Variants in PRELID2 observed in about 807,000 individuals in gnomAD.
PRELID2 encodes the protein PRELI domain-containing protein 2.
PRELID2 carries 25 observed loss-of-function variants against 28.4 expected under a neutral mutation model. The observed-to-expected ratio is 0.88, with a 90% confidence interval of 0.64 to 1.23. The LOEUF is 1.23. Among genes scored for constraint, PRELID2 ranks in the 50% most tolerant of loss-of-function variants. The pLI is 0.00. For missense variants in PRELID2, 201 were observed against 214.4 expected, an observed-to-expected ratio of 0.94 and a Z score of 0.39; for synonymous variants, 76 against 71.6, an observed-to-expected ratio of 1.06 and a Z score of -0.31.
chr5:145,663,839 G>C (rs1754539289), intron 1 of PRELID2, among the ~76,000 whole-genome samples: 1 of 152,076 alleles, frequency 6.6e-6, no homozygotes, highest in African/African-American at 2.4e-5. Flanking sequence ...AGGACTAATT[G>C]AAGAGATTCC....
At chr5:145,821,919 T>C (rs529948772) in intron 2 of PRELID2, among the ~76,000 whole-genome samples, 16 of 152,360 alleles carry the variant, frequency 1.1e-4, no homozygotes, top group Admixed American at 2.6e-4. Flanking sequence ...ACCAAGGTAG[T>C]AATGAAATCA....
At chr5:145,411,456 T>A in the PRELID2 span, among the ~76,000 whole-genome samples, 6 of 152,330 alleles carry the variant, frequency 3.9e-5, no homozygotes, top group Non-Finnish European at 8.8e-5. Context: ...CATAATAATT[T>A]TCTTTGACTC....
At chr5:145,491,357 G>A (rs1295146287) in intron 1 of PRELID2, among the ~76,000 whole-genome samples, 1 of 152,068 alleles carries the variant, frequency 6.6e-6, no homozygotes, top group Non-Finnish European at 1.5e-5. Context: ...GTCCCAGTCA[G>A]GAGGGCTCTG....
At chr5:145,585,973 G>C (rs533185576) in intron 1 of PRELID2, among the ~76,000 whole-genome samples, 1 of 152,162 alleles carries the variant, frequency 6.6e-6, no homozygotes, top group South Asian at 2.1e-4. Context: ...CCGTGCTCTT[G>C]AAACCTAGAG....
intron 1 of PRELID2, among the ~76,000 whole-genome samples, chr5:145,719,770 T>C (rs575725846): frequency 7.2e-5 from 11 of 151,936 alleles, no homozygotes; most frequent in African/African-American, 2.4e-4. Flanking sequence ...TTCCTCCCCC[T>C]CCAACCTCCA....
intron 1 of PRELID2, among the ~76,000 whole-genome samples, chr5:145,542,753 C>CTTTCTTTG (rs1554075715): frequency 1.5e-5 from 2 of 135,602 alleles, no homozygotes; most frequent in African/African-American, 5.7e-5. Context: ...ATTGTAATTT[C>CTTTCTTTG]TTTCTTTCTT....
intron 4 of PRELID2, among the ~76,000 whole-genome samples, chr5:145,811,850 G>C (rs1753967009): frequency 6.6e-6 from 1 of 152,162 alleles, no homozygotes; most frequent in African/African-American, 2.4e-5. Context: ...GCAGTAGTGA[G>C]TTTCCATTAC....
the PRELID2 span, among the ~76,000 whole-genome samples, chr5:145,323,375 C>A: frequency 5.8e-4 from 89 of 152,138 alleles, no homozygotes; most frequent in Non-Finnish European, 1.1e-3. Context: ...CAATGAGAAG[C>A]CATTAAAGAG....
chr5:145,359,555 C>T, the PRELID2 span, among the ~76,000 whole-genome samples: 4 of 152,274 alleles, frequency 2.6e-5, no homozygotes, highest in East Asian at 1.9e-4. Flanking sequence ...GATGCAGAAT[C>T]GATTTTTCCA....
At chr5:145,406,527 T>C in the PRELID2 span, among the ~76,000 whole-genome samples, 1 of 152,196 alleles carries the variant, frequency 6.6e-6, no homozygotes. Context: ...TGTACAACAA[T>C]GTTGGAAAAT....
intron 5 of PRELID2, among the ~76,000 whole-genome samples, chr5:145,786,432 AT>A (rs1331750040): frequency 2.0e-5 from 3 of 152,202 alleles, no homozygotes; most frequent in Non-Finnish European, 2.9e-5. Flanking sequence ...TCACTGCCAC[AT>A]TCTGAGATCA....
intron 1 of PRELID2, among the ~76,000 whole-genome samples, chr5:145,513,031 A>G (rs999777168): frequency 6.6e-6 from 1 of 152,192 alleles, no homozygotes; most frequent in African/African-American, 2.4e-5. Flanking sequence ...AAATGAGGAA[A>G]AAACAGCTCA....
At chr5:145,461,388 T>G in the PRELID2 span, among the ~76,000 whole-genome samples, 1 of 152,070 alleles carries the variant, frequency 6.6e-6, no homozygotes, top group Non-Finnish European at 1.5e-5. Context: ...CTGCAAGCTC[T>G]GCCTCCCGGG....
chr5:145,280,525 T>A, the PRELID2 span, among the ~76,000 whole-genome samples: 275 of 152,212 alleles, frequency 1.8e-3, 1 homozygote, highest in African/African-American at 6.3e-3. Context: ...AATGTTTGGA[T>A]AGCTTTAGGA....
chr5:145,624,386 G>C (rs1354021449), intron 1 of PRELID2, among the ~76,000 whole-genome samples: 1 of 152,114 alleles, frequency 6.6e-6, no homozygotes, highest in Non-Finnish European at 1.5e-5. Flanking sequence ...ATCATGTCTT[G>C]GTCTTTCTGG....
intron 4 of PRELID2, among the ~76,000 whole-genome samples, chr5:145,814,332 C>G (rs1265282982): frequency 1.3e-5 from 2 of 152,186 alleles, no homozygotes; most frequent in Non-Finnish European, 2.9e-5. Context: ...CAATTCCATC[C>G]TTTTGCTATT....
At chr5:145,466,390 T>A in the PRELID2 span, among the ~76,000 whole-genome samples, 5 of 152,310 alleles carry the variant, frequency 3.3e-5, no homozygotes, top group Non-Finnish European at 5.9e-5. Flanking sequence ...AATTATGCAT[T>A]TAGTTTACTA....
chr5:145,406,032 T>A, the PRELID2 span, among the ~76,000 whole-genome samples: 1 of 151,956 alleles, frequency 6.6e-6, no homozygotes, highest in African/African-American at 2.4e-5. Context: ...AACAACCAGA[T>A]CTTACAAGAA....
chr5:145,244,316 G>A, the PRELID2 span, among the ~76,000 whole-genome samples: 6 of 151,944 alleles, frequency 3.9e-5, no homozygotes, highest in Admixed American at 6.6e-5. Flanking sequence ...TACTTTCCTC[G>A]AAACTGACAG....
Sources: allele counts gnomAD v4.1 joint callset (sites outside exome capture counted in the v4.1 genomes callset), GRCh38; gene constraint gnomAD v4.1.1; transcripts MANE v1.5; gene names NCBI Gene and HGNC (gene_info 2026-07-23, HGNC 2026-07-21).